PHACTR2: variants seen among roughly 807,000 people sequenced by gnomAD.
PHACTR2 encodes phosphatase and actin regulator 2, also known as chromosome 6 open reading frame 56.
Under a neutral mutation model 76.0 loss-of-function variants are expected in PHACTR2, and 30 were observed. The ratio of observed to expected loss-of-function variants is 0.39; its 90% confidence interval spans 0.30 to 0.54. The LOEUF is 0.54. Ranked by LOEUF, PHACTR2 falls within the 20% of genes least tolerant of loss-of-function variation. The pLI is 0.61. For missense variants in PHACTR2, 696 were observed against 781.1 expected, an observed-to-expected ratio of 0.89 and a Z score of 1.30; for synonymous variants, 292 against 292.5, an observed-to-expected ratio of 1.00 and a Z score of 0.02.
Position 143,557,802 on chromosome 6 carries a change from C to T in PHACTR2, c.217+20595C>T, listed in dbSNP as rs1019757921. The T allele has an allele frequency of 1.3e-5, 2 of 152,212 alleles. No homozygotes were observed. Among genetic ancestry groups the T allele is most frequent in the Non-Finnish European group, 2.9e-5 (2 of 68,040 alleles). 9.4% of individuals were successfully genotyped at this position (152,212 alleles called of 1,614,324 possible). On this transcript the variant is annotated intron_variant, in intron 1 of 11. Transcript: ENST00000367584. This position sits in a 1 kb window ranked among gnomAD's most constrained non-coding sequence, Gnocchi z 5.5. ...ACCCCAATAGAAATGTAAAAGTTGA[C>T]ACCTTGTCAGTGGGAAGCGAAGTCA...
chr6:143,732,939 G>A (rs776096086), intron 2 of PHACTR2, among the ~76,000 whole-genome samples: 4 of 151,988 alleles, frequency 2.6e-5, no homozygotes, highest in Non-Finnish European at 5.9e-5. Flanking sequence ...ACCCATGCTG[G>A]AGTGCAGTGG....
At chr6:143,626,899 A>C (rs1174114017) in intron 1 of PHACTR2, among the ~76,000 whole-genome samples, 2 of 152,222 alleles carry the variant, frequency 1.3e-5, no homozygotes, top group African/African-American at 4.8e-5. Context: ...TAATATATTG[A>C]TATTACTCAA....
chr6:143,642,272 G>A (rs1407251422), intron 1 of PHACTR2, among the ~76,000 whole-genome samples: 2 of 152,184 alleles, frequency 1.3e-5, no homozygotes, highest in African/African-American at 4.8e-5. Flanking sequence ...TTGTTATTAG[G>A]GAGAAATTAT....
In PHACTR2 at chr6:143,581,156, T is replaced by C. The variant is rs1775567722; in HGVS notation, c.217+43949T>C. Among the ~76,000 whole-genome samples the C allele has an allele frequency of 6.6e-6, 1 of 152,226 alleles. No individual in the cohort carries two copies. On this transcript the variant is annotated intron_variant, in intron 1 of 11. Coordinates refer to the PHACTR2 transcript ENST00000367584. This position sits in a 1 kb window ranked among gnomAD's most constrained non-coding sequence, Gnocchi z 4.5. ...CTGAAGGCAAGGCCAACCTCAGGGC[T>C]TGGCTCAATATTCTAGAACTTTACC...
In PHACTR2 at chr6:143,696,755, CA is replaced by C. The variant is rs1415789812; in HGVS notation, c.47-15257del. On this transcript the variant is annotated intron_variant, in intron 1 of 12. Transcript: ENST00000440869. This position sits in a 1 kb window ranked among gnomAD's most constrained non-coding sequence, Gnocchi z 4.1. Reference sequence around the variant, plus strand: ...GGTGACACATAGCTAAAGAGTTAAACAAAACAAACCATTTTCTTCTCTGGAA... The same window carrying C: ...GGTGACACATAGCTAAAGAGTTAAACAAACAAACCATTTTCTTCTCTGGAA... Among the ~76,000 whole-genome samples the C allele has an allele frequency of 2.0e-5, 3 of 152,256 alleles. No homozygotes were observed. In the East Asian group the frequency reaches 5.8e-4, roughly 29 times the overall value.
rs1340540007 is a variant in PHACTR2 at position 143,822,003 on chromosome 6, C to G, written c.1923-1671C>G. 6.6e-6 allele frequency among the ~76,000 whole-genome samples: 1 copy of G among 151,902 alleles called. No homozygotes were observed. Among genetic ancestry groups the G allele is most frequent in the Non-Finnish European group, 1.5e-5 (1 of 67,976 alleles). On this transcript the variant is annotated intron_variant, in intron 12 of 12. Transcript: ENST00000440869. The surrounding 1 kb of genome is among the most constrained non-coding windows in gnomAD (Gnocchi z 5.5). The stretch of plus-strand genomic sequence containing the variant: ...GAAACCCTGTCCCCCTCTGGAGCTC[C>G]CCCCAACCCACCCTGCAAAAAGTAG...
chr6:143,568,065 T>C (rs2128431145), intron 1 of PHACTR2, among the ~76,000 whole-genome samples: 1 of 152,310 alleles, frequency 6.6e-6, no homozygotes, highest in African/African-American at 2.4e-5. Flanking sequence ...TAAACACTTA[T>C]TTTCTGTTGT....
At position 143,688,948 on chromosome 6, in the gene PHACTR2, C is replaced by T. The variant is rs1447884602; in HGVS notation, c.46+10739C>T. On this transcript the variant is annotated intron_variant, in intron 1 of 12. Coordinates refer to ENST00000440869, the MANE Select transcript of PHACTR2 (RefSeq NM_001100164.2). The surrounding 1 kb of genome is among the most constrained non-coding windows in gnomAD (Gnocchi z 5.2). ...ATTGCATAGTATGGCCCTCGAGGCTCTACATGAGCCTATATGATCCCTGCC... is the reference window on the plus strand; with the variant it reads ...ATTGCATAGTATGGCCCTCGAGGCTTTACATGAGCCTATATGATCCCTGCC... Among the ~76,000 whole-genome samples, 2 of 152,234 alleles carry T rather than the reference C, an allele frequency of 1.3e-5. No individual in the cohort carries two copies. Among genetic ancestry groups the T allele is most frequent in the South Asian group, 2.1e-4 (1 of 4,836 alleles).
In PHACTR2 at chr6:143,760,619, C is replaced by T. The variant is rs2207426; in HGVS notation, c.673C>T (p.Arg225Ter). ...CGTCCCTCCACCCAAGCCAGCAAGC[C>T]GAAACACGACCCGAGAGGCTGGTGA... ...APVPPPKPAS[R>*]NTTREAAGSS... The change falls in exon 5 of 13, where the codon CGA becomes TGA. Residue 225 changes from arginine (R) to a stop codon, truncating the protein, a stop_gained. Transcript: ENST00000440869. LOFTEE classifies it high-confidence loss of function. This position sits in a 1 kb window ranked among gnomAD's most constrained non-coding sequence, Gnocchi z 6.4. 5.6e-6 allele frequency: 9 copies of T among 1,613,796 alleles called. No homozygotes were observed. Among genetic ancestry groups the T allele is most frequent in the Admixed American group, 3.3e-5 (2 of 59,992 alleles).
Position 143,700,967 on chromosome 6 carries a change from G to A in PHACTR2, c.47-11049G>A, listed in dbSNP as rs1777899006. Among the ~76,000 whole-genome samples, 1 of 152,174 alleles carries A rather than the reference G, an allele frequency of 6.6e-6. No homozygotes were observed. ...TGTTCATAGAGACAACCCTTCCCTT[G>A]TAGCGATAACAGTGGCATTCAAAAC... is the stretch of plus-strand genomic sequence containing the variant. On this transcript the variant is annotated intron_variant, in intron 1 of 12. Transcript: ENST00000440869. The surrounding 1 kb of genome is among the most constrained non-coding windows in gnomAD (Gnocchi z 4.1).
rs1263851207 is a variant in PHACTR2 at position 143,599,816 on chromosome 6, T to A, written c.217+62609T>A. 6.6e-6 allele frequency among the ~76,000 whole-genome samples: 1 copy of A among 152,216 alleles called. No homozygotes were observed. The highest frequency in any genetic ancestry group is 1.5e-5 in the Non-Finnish European group (1 of 68,030). The stretch of plus-strand genomic sequence containing the variant: ...GGGATTTGAGAGGTCAGCAGGCCAT[T>A]CTGCTGACTTGGGCCCAAATGCTTT... On this transcript the variant is annotated intron_variant, in intron 1 of 11. Coordinates refer to the PHACTR2 transcript ENST00000367584. The surrounding 1 kb of genome is among the most constrained non-coding windows in gnomAD (Gnocchi z 4.6).
chr6:143,586,349 C>G (rs990833199), intron 1 of PHACTR2, among the ~76,000 whole-genome samples: 4 of 152,206 alleles, frequency 2.6e-5, no homozygotes, highest in African/African-American at 9.7e-5. Flanking sequence ...GTAACATTTA[C>G]AGAGTATCTA....
chr6:143,617,560 T>G lies in PHACTR2; in HGVS notation c.13+9238T>G, dbSNP rs1776076780. ...TTAAAAGCTCCCCACTATATTCTAA[T>G]GAGCCATGAGGGTGACAACCACTGT... On this transcript the variant is annotated intron_variant, in intron 1 of 11. Coordinates refer to the PHACTR2 transcript ENST00000305766. This position sits in a 1 kb window ranked among gnomAD's most constrained non-coding sequence, Gnocchi z 4.8. 1.3e-5 allele frequency among the ~76,000 whole-genome samples: 2 copies of G among 152,238 alleles called. No homozygotes were observed. The highest frequency in any genetic ancestry group is 2.9e-5 in the Non-Finnish European group (2 of 68,046).
At chr6:143,559,484 C>T (rs570710612) in intron 1 of PHACTR2, among the ~76,000 whole-genome samples, 9 of 152,206 alleles carry the variant, frequency 5.9e-5, no homozygotes, top group South Asian at 2.1e-4. Flanking sequence ...ACATCTCTCC[C>T]TCCTACCTCC....
Position 143,578,874 on chromosome 6 carries a change from C to T in PHACTR2, c.217+41667C>T, listed in dbSNP as rs1036814758. 4.6e-5 allele frequency among the ~76,000 whole-genome samples: 7 copies of T among 151,096 alleles called. No homozygotes were observed. Among genetic ancestry groups the T allele is most frequent in the Middle Eastern group, 3.2e-3 (1 of 314 alleles). ...TTGTGATTTGTGTTTTTACCCATAT[C>T]CCCTCTACCCTCATAATCCTGCCCC... On this transcript the variant is annotated intron_variant, in intron 1 of 11. Transcript: ENST00000367584. This position sits in a 1 kb window ranked among gnomAD's most constrained non-coding sequence, Gnocchi z 4.5.
rs558808943 is a variant in PHACTR2 at position 143,761,926 on chromosome 6, C to G, written c.694+1286C>G. 5.3e-5 allele frequency among the ~76,000 whole-genome samples: 8 copies of G among 152,274 alleles called. No homozygotes were observed. The highest frequency in any genetic ancestry group is 1.4e-4 in the African/African-American group (6 of 41,562). ...GATCTCTGAATGCCAATAGACATCCCTCTCCCTGTGCTCCTCATGTCCCGC... is the reference window on the plus strand; with the variant it reads ...GATCTCTGAATGCCAATAGACATCCGTCTCCCTGTGCTCCTCATGTCCCGC... On this transcript the variant is annotated intron_variant, in intron 5 of 12. Coordinates refer to ENST00000440869, the MANE Select transcript of PHACTR2 (RefSeq NM_001100164.2). This position sits in a 1 kb window ranked among gnomAD's most constrained non-coding sequence, Gnocchi z 5.2.
intron 10 of PHACTR2, among the ~76,000 whole-genome samples, chr6:143,786,146 T>G (rs1397616636): frequency 6.6e-6 from 1 of 152,228 alleles, no homozygotes; most frequent in South Asian, 2.1e-4. Flanking sequence ...TGGAATGCTT[T>G]TAACAGCACC....
chr6:143,720,149 C>T (rs1399405781), intron 2 of PHACTR2, among the ~76,000 whole-genome samples: 1 of 152,114 alleles, frequency 6.6e-6, no homozygotes, highest in African/African-American at 2.4e-5. Flanking sequence ...CAAGTGTTTA[C>T]TGACCATCTT....
At chr6:143,601,858 G>A (rs1440910883) in intron 1 of PHACTR2, among the ~76,000 whole-genome samples, 1 of 151,814 alleles carries the variant, frequency 6.6e-6, no homozygotes, top group Non-Finnish European at 1.5e-5. Context: ...GGTCTTTTTT[G>A]TTTGTTTGCT....
Sources: gnomAD v4.1 joint callset for allele counts (sites outside exome capture counted in the v4.1 genomes callset) on GRCh38, gnomAD v4.1.1 for gene constraint, Gnocchi (gnomAD v3.1) non-coding constraint, MANE v1.5 for transcripts, NCBI Gene and HGNC (gene_info 2026-07-23, HGNC 2026-07-21) for gene names.